Variants in ST6GALNAC3 observed in about 807,000 individuals in gnomAD.
ST6GALNAC3 encodes the protein alpha-N-acetylgalactosaminide alpha-2,6-sialyltransferase 3.
ST6GALNAC3 carries 25 observed loss-of-function variants against 32.7 expected under a neutral mutation model. The observed-to-expected ratio is 0.76, with a 90% CI of 0.56 to 1.07. ST6GALNAC3 has a LOEUF of 1.07. ST6GALNAC3 is among the 50% of genes least tolerant of loss of function. The probability of loss-of-function intolerance (pLI) is 0.00; values close to 1 mark genes in which losing one functional copy is unlikely to be tolerated. For missense variants in ST6GALNAC3, 355 were observed against 382.4 expected, an observed-to-expected ratio of 0.93 and a Z score of 0.60; for synonymous variants, 129 against 133.1, an observed-to-expected ratio of 0.97 and a Z score of 0.21.
intron 3 of ST6GALNAC3, among the ~76,000 whole-genome samples, chr1:76,550,282 T>C (rs940375816): frequency 2.0e-5 from 3 of 152,220 alleles, no homozygotes; most frequent in African/African-American, 7.2e-5. Context: ...TATTTACTTA[T>C]AAAAGCTTTA....
At chr1:76,503,076 G>T (rs1274147065) in intron 3 of ST6GALNAC3, among the ~76,000 whole-genome samples, 1 of 152,136 alleles carries the variant, frequency 6.6e-6, no homozygotes, top group African/African-American at 2.4e-5. Flanking sequence ...CTTACAAGTT[G>T]GGTGCTTTAA....
At chr1:76,135,764 G>A (rs1343485785) in intron 1 of ST6GALNAC3, among the ~76,000 whole-genome samples, 1 of 152,068 alleles carries the variant, frequency 6.6e-6, no homozygotes. Flanking sequence ...TCAGCACACA[G>A]ACATCAGGTA....
intron 4 of ST6GALNAC3, among the ~76,000 whole-genome samples, chr1:76,628,334 A>G (rs547559816): frequency 2.0e-5 from 3 of 152,098 alleles, no homozygotes; most frequent in East Asian, 3.9e-4. Context: ...GAGGCTATCT[A>G]AAGTTTCTTC....
intron 1 of ST6GALNAC3, among the ~76,000 whole-genome samples, chr1:76,239,458 C>T (rs183602650): frequency 6.6e-6 from 1 of 152,066 alleles, no homozygotes. Context: ...ACAATGGTGC[C>T]AGTGTGTGCT....
chr1:76,438,375 G>T (rs1418934367), intron 3 of ST6GALNAC3, among the ~76,000 whole-genome samples: 1 of 151,814 alleles, frequency 6.6e-6, no homozygotes, highest in Admixed American at 6.6e-5. Flanking sequence ...TCCTGACCTT[G>T]TGATCCACCC....
At chr1:76,341,629 CTTTCT>C (rs1648002227) in intron 2 of ST6GALNAC3, among the ~76,000 whole-genome samples, 1 of 130,568 alleles carries the variant, frequency 7.7e-6, no homozygotes, top group Non-Finnish European at 1.6e-5. Flanking sequence ...TTCTTTCTTT[CTTTCT>C]TTCTTTCTTT....
intron 1 of ST6GALNAC3, among the ~76,000 whole-genome samples, chr1:76,204,185 A>T (rs1654693371): frequency 1.3e-5 from 2 of 152,154 alleles, no homozygotes; most frequent in African/African-American, 4.8e-5. Context: ...TTTACCTAAC[A>T]TAATGACCTC....
At chr1:76,092,440 A>C (rs563484152) in intron 1 of ST6GALNAC3, among the ~76,000 whole-genome samples, 1 of 152,262 alleles carries the variant, frequency 6.6e-6, no homozygotes, top group African/African-American at 2.4e-5. Context: ...TAATAATGGC[A>C]AAAGATGACA....
At chr1:76,394,194 T>C (rs1325292) in intron 2 of ST6GALNAC3, among the ~76,000 whole-genome samples, 43,956 of 152,016 alleles carry the variant, frequency 0.29, 7,680 homozygotes, top group East Asian at 0.6. Flanking sequence ...AGCATATAGC[T>C]AGAAAGTAGC....
At chr1:76,465,196 G>A (rs1658545220) in intron 3 of ST6GALNAC3, among the ~76,000 whole-genome samples, 1 of 152,174 alleles carries the variant, frequency 6.6e-6, no homozygotes, top group Non-Finnish European at 1.5e-5. Context: ...GTCAGATATT[G>A]AGTCATTCGC....
rs1290338506 is a variant in ST6GALNAC3 at position 76,113,363 on chromosome 1, AG to A, written c.18+38484del. Among the ~76,000 whole-genome samples, 16 of 33,632 alleles carry A rather than the reference AG, an allele frequency of 4.8e-4. No homozygotes were observed. The East Asian group carries it at 7.4e-3, about 15-fold the overall frequency. The allele number at this position is 33,632 out of a possible 152,430, so 22.1% of individuals were successfully genotyped here. A position where few individuals can be genotyped will look rare whatever the true frequency, so the allele number is the denominator to read the frequency against. Reference sequence around the variant, plus strand: ...GAGAGGGAGGGGGAGGGGGAGGGGGAGGGGGAGGCCAAATGGCATTGTTATG... The same window carrying A: ...GAGAGGGAGGGGGAGGGGGAGGGGGAGGGGAGGCCAAATGGCATTGTTATG... On this transcript the variant is annotated intron_variant, in intron 1 of 4. Transcript: ENST00000328299.
intron 1 of ST6GALNAC3, among the ~76,000 whole-genome samples, chr1:76,288,862 A>G (rs1659922268): frequency 6.6e-6 from 1 of 152,154 alleles, no homozygotes; most frequent in South Asian, 2.1e-4. Flanking sequence ...CCACCGACCC[A>G]TGCTCTATTA....
At chr1:76,523,004 G>A (rs1662645618) in intron 3 of ST6GALNAC3, among the ~76,000 whole-genome samples, 1 of 152,154 alleles carries the variant, frequency 6.6e-6, no homozygotes, top group Non-Finnish European at 1.5e-5. Flanking sequence ...TAGAAGTAGT[G>A]AGAAACTGGA....
chr1:76,155,336 T>C (rs1570229124), intron 1 of ST6GALNAC3, among the ~76,000 whole-genome samples: 1 of 152,314 alleles, frequency 6.6e-6, no homozygotes, highest in East Asian at 1.9e-4. Context: ...TACAGCCAAA[T>C]TATTATAGAG....
chr1:76,510,115 G>C lies in ST6GALNAC3; in HGVS notation c.623+97698G>C, dbSNP rs192621128. On this transcript the variant is annotated intron_variant, in intron 3 of 4. Transcript: ENST00000328299. ...AGTTAAAACATAGTGGTTCTGCCCTGAAGTGTCATCTGCTGCTGATGAAAT... is the reference window on the plus strand; with the variant it reads ...AGTTAAAACATAGTGGTTCTGCCCTCAAGTGTCATCTGCTGCTGATGAAAT... 2.0e-3 allele frequency among the ~76,000 whole-genome samples: 303 copies of C among 152,262 alleles called. 2 individuals carry two copies. The Middle Eastern group carries it at 0.034, about 17-fold the overall frequency.
intron 3 of ST6GALNAC3, among the ~76,000 whole-genome samples, chr1:76,480,067 C>T (rs954614314): frequency 1.3e-5 from 2 of 152,084 alleles, no homozygotes; most frequent in African/African-American, 2.4e-5. Flanking sequence ...ATGTGTGAAA[C>T]TAACAAATGG....
chr1:76,530,123 G>A (rs1382914883), intron 3 of ST6GALNAC3, among the ~76,000 whole-genome samples: 1 of 152,178 alleles, frequency 6.6e-6, no homozygotes, highest in Non-Finnish European at 1.5e-5. Context: ...ACTTGCTTGT[G>A]CCAGAATCCA....
rs528960067 is a variant in ST6GALNAC3, at chr1:76,607,610, G to T, written c.624-19842G>T. Among the ~76,000 whole-genome samples, 26 of 152,248 alleles carry T rather than the reference G, an allele frequency of 1.7e-4. 1 individual carries two copies. The highest frequency in any genetic ancestry group is 5.8e-4 in the African/African-American group (24 of 41,540). On this transcript the variant is annotated intron_variant, in intron 3 of 4. Coordinates refer to ENST00000328299, the MANE Select transcript of ST6GALNAC3 (RefSeq NM_152996.4). ...TGTTCCTATCGTCCCTATCACTCAGGAAATTACAAGAATTTTAGGACCTCT... is the reference window on the plus strand; with the variant it reads ...TGTTCCTATCGTCCCTATCACTCAGTAAATTACAAGAATTTTAGGACCTCT...
intron 2 of ST6GALNAC3, among the ~76,000 whole-genome samples, chr1:76,409,038 T>G (rs1654033256): frequency 6.6e-6 from 1 of 152,152 alleles, no homozygotes; most frequent in African/African-American, 2.4e-5. Context: ...TTCTCTATTG[T>G]GTAAAAGAAG....
Sources: gnomAD v4.1 joint callset for allele counts (sites outside exome capture counted in the v4.1 genomes callset) on GRCh38, gnomAD v4.1.1 for gene constraint, MANE v1.5 for transcripts, NCBI Gene and HGNC (gene_info 2026-07-23, HGNC 2026-07-21) for gene names.